Variants in GALNT7 observed in about 807,000 individuals in gnomAD.
The protein encoded by GALNT7 is polypeptide N-acetylgalactosaminyltransferase 7, also known as N-acetylgalactosaminyltransferase 7.
A neutral mutation model predicts 82.1 loss-of-function variants in GALNT7; 60 were observed. The observed-to-expected ratio is 0.73, with a 90% CI of 0.59 to 0.91. The LOEUF (loss-of-function observed/expected upper bound fraction) is 0.91. Among genes scored for constraint, GALNT7 ranks in the 40% least tolerant of loss-of-function variants. GALNT7 has a pLI of 0.00. For synonymous variants in GALNT7, 243 were observed against 275.1 expected (o/e 0.88, Z 1.15); for missense variants, 660 against 804.2 (o/e 0.82, Z 2.17).
rs375190278 is a variant in GALNT7 at position 173,280,528 on chromosome 4, A to G, written c.588-11580A>G. On this transcript the variant is annotated intron_variant, in intron 2 of 11. Transcript: ENST00000265000. ...TACCCTGAAAATATTCTGTAAAATT[A>G]CTCTAAGAATAACTCTAATCATTGC... 3.2e-4 allele frequency among the ~76,000 whole-genome samples: 48 copies of G among 152,258 alleles called. 1 individual carries two copies. The East Asian group carries it at 5.4e-3, about 17-fold the overall frequency.
At chr4:173,303,899 T>C in intron 7 of GALNT7, 97 bp from the exon 8 acceptor site, 2 of 1,042,332 alleles carry the variant, frequency 1.9e-6, no homozygotes, top group Admixed American at 4.4e-5. Flanking sequence ...ACACTGTATA[T>C]AATTTAGATT....
chr4:173,234,631 A>G lies in GALNT7; in HGVS notation c.127-13349A>G, dbSNP rs1413185453. Among the ~76,000 whole-genome samples the G allele has an allele frequency of 7.9e-5, 12 of 152,300 alleles. 1 individual carries two copies. The East Asian group carries it at 1.7e-3, about 22-fold the overall frequency. ...TTACTTCGTAATTACTATAATTTGA[A>G]TGTCTGTCCCCTCAAACCTCATGTT... On this transcript the variant is annotated intron_variant, in intron 1 of 11. Transcript: ENST00000265000.
intron 1 of GALNT7, among the ~76,000 whole-genome samples, chr4:173,222,699 C>A (rs1004220614): frequency 2.0e-5 from 3 of 152,132 alleles, no homozygotes; most frequent in Non-Finnish European, 4.4e-5. Flanking sequence ...TTATTATTAT[C>A]CCCATTTTAT....
chr4:173,275,649 G>A (rs1245589136), intron 2 of GALNT7, among the ~76,000 whole-genome samples: 3 of 152,080 alleles, frequency 2.0e-5, no homozygotes, highest in African/African-American at 4.8e-5. Flanking sequence ...AAAGTTTCTG[G>A]TACTAGCCCT....
chr4:173,297,431 C>T (rs748975351), intron 5 of GALNT7, among the ~76,000 whole-genome samples: 4 of 152,040 alleles, frequency 2.6e-5, no homozygotes, highest in Admixed American at 6.5e-5. Context: ...CACACGCACA[C>T]GTGAGCTTTT....
At chr4:173,279,072 G>A (rs760417529) in intron 2 of GALNT7, among the ~76,000 whole-genome samples, 3 of 152,146 alleles carry the variant, frequency 2.0e-5, no homozygotes, top group African/African-American at 2.4e-5. Flanking sequence ...TAACAGTGAC[G>A]TATTAGGCCA....
intron 9 of GALNT7, chr4:173,317,091 A>G (rs1260585145): frequency 6.6e-6 from 1 of 152,294 alleles, no homozygotes; most frequent in Non-Finnish European, 1.5e-5. Context: ...TTTTCATACA[A>G]AATGTACATT....
intron 2 of GALNT7, among the ~76,000 whole-genome samples, chr4:173,258,107 A>G (rs1211711221): frequency 6.6e-6 from 1 of 152,274 alleles, no homozygotes; most frequent in East Asian, 1.9e-4. Flanking sequence ...TGTAAACACA[A>G]CTACTTAAGA....
intron 1 of GALNT7, among the ~76,000 whole-genome samples, chr4:173,213,879 A>G (rs1158580204): frequency 6.6e-6 from 1 of 152,146 alleles, no homozygotes; most frequent in Admixed American, 6.5e-5. Context: ...AAATTAAATG[A>G]ACATCCTTTC....
chr4:173,193,028 A>G (rs1732671293), intron 1 of GALNT7, among the ~76,000 whole-genome samples: 1 of 152,194 alleles, frequency 6.6e-6, no homozygotes, highest in African/African-American at 2.4e-5. Context: ...AGGAAAACCT[A>G]AAAGGTTTGC....
chr4:173,299,390 G>C (rs536455182), intron 6 of GALNT7, among the ~76,000 whole-genome samples: 58 of 152,206 alleles, frequency 3.8e-4, no homozygotes, highest in African/African-American at 1.4e-3. Flanking sequence ...AAAGGGTGCT[G>C]AGCAAATTTA....
In GALNT7 at chr4:173,318,081, AAT is replaced by A. The variant is rs1424129345; in HGVS notation, c.1708-348_1708-347del. On this transcript the variant is annotated intron_variant, in intron 10 of 11. Transcript: ENST00000265000. ...GCTCACTAATCCTCATCTTTTTGCAAATAGAGTGTTACTGCCAGTAATGTATA... is the reference window on the plus strand; with the variant it reads ...GCTCACTAATCCTCATCTTTTTGCAAAGAGTGTTACTGCCAGTAATGTATA... 2.0e-5 allele frequency among the ~76,000 whole-genome samples: 3 copies of A among 152,264 alleles called. No homozygotes were observed. The East Asian group carries it at 5.8e-4, about 29-fold the overall frequency.
chr4:173,203,032 T>C (rs183604945), intron 1 of GALNT7, among the ~76,000 whole-genome samples: 217 of 152,008 alleles, frequency 1.4e-3, no homozygotes, highest in African/African-American at 5.1e-3. Context: ...TTTTTTTTCA[T>C]TTCTTTACTT....
chr4:173,170,192 G>C (rs1731812462), intron 1 of GALNT7, among the ~76,000 whole-genome samples: 1 of 152,222 alleles, frequency 6.6e-6, no homozygotes, highest in African/African-American at 2.4e-5. Flanking sequence ...AGCCAACTGG[G>C]CCGGCTGCCA....
Position 173,302,248 on chromosome 4 carries a change from G to GA in GALNT7, c.1266+90dup. On this transcript the variant is annotated intron_variant, in intron 7 of 11. Transcript: ENST00000265000. The surrounding 1 kb of genome is among the most constrained non-coding windows in gnomAD (Gnocchi z 4.2). ...CAGATAAAGCTAGTTTTTTGTGGGG[G>GA]AAAAAAGCCCACAATTATATCATGC... 1 of 754,390 alleles carries GA rather than the reference G, an allele frequency of 1.3e-6. No homozygotes were observed. The highest frequency in any genetic ancestry group is 2.4e-6 in the Non-Finnish European group (1 of 416,854). 46.7% of individuals were successfully genotyped at this position (754,390 alleles called of 1,614,324 possible).
chr4:173,224,750 C>T (rs757403269), intron 1 of GALNT7, among the ~76,000 whole-genome samples: 17 of 151,930 alleles, frequency 1.1e-4, no homozygotes, highest in African/African-American at 2.4e-4. Context: ...CGGTGGCTCA[C>T]GCCTGTAATC....
At chr4:173,259,153 G>T (rs1282909595) in intron 2 of GALNT7, among the ~76,000 whole-genome samples, 8 of 152,206 alleles carry the variant, frequency 5.3e-5, no homozygotes, top group Non-Finnish European at 1.2e-4. Context: ...GCTGTAAGGG[G>T]TTAATTGAGG....
At chr4:173,308,238 A>T (rs1737232236) in intron 8 of GALNT7, among the ~76,000 whole-genome samples, 1 of 152,158 alleles carries the variant, frequency 6.6e-6, no homozygotes, top group South Asian at 2.1e-4. Context: ...GGGGGAATAA[A>T]GGCTGGTGTC....
chr4:173,174,927 G>A lies in GALNT7; in HGVS notation c.126+5966G>A, dbSNP rs538164158. Among the ~76,000 whole-genome samples, 17 of 152,312 alleles carry A rather than the reference G, an allele frequency of 1.1e-4. No homozygotes were observed. In the South Asian group the frequency reaches 2.3e-3, roughly 20 times the overall value. ...GGATGGGAGATAACGTGTGAGATAC[G>A]ATTTGGGTTCCTGTATAAACTGTTA... On this transcript the variant is annotated intron_variant, in intron 1 of 11. Transcript: ENST00000265000.
Sources: gnomAD v4.1 joint callset for allele counts (sites outside exome capture counted in the v4.1 genomes callset) on GRCh38, gnomAD v4.1.1 for gene constraint, Gnocchi (gnomAD v3.1) non-coding constraint, MANE v1.5 for transcripts, NCBI Gene and HGNC (gene_info 2026-07-23, HGNC 2026-07-21) for gene names.